MEIKIN: variants seen among roughly 807,000 people sequenced by gnomAD.
The protein encoded by MEIKIN is meiotic kinetochore factor, also known as meiosis-specific kinetochore protein.
intron 10 of MEIKIN, among the ~76,000 whole-genome samples, chr5:131,851,639 A>G (rs1178817249): frequency 6.6e-6 from 1 of 152,248 alleles, no homozygotes; most frequent in Non-Finnish European, 1.5e-5. Context: ...TTTTTTAATT[A>G]GGAATTTTTG....
At chr5:131,827,736 G>T (rs1054988178) in intron 11 of MEIKIN, among the ~76,000 whole-genome samples, 12 of 152,160 alleles carry the variant, frequency 7.9e-5, no homozygotes, top group African/African-American at 2.7e-4. Context: ...AAAATTTATA[G>T]ATCTATAGGA....
intron 11 of MEIKIN, among the ~76,000 whole-genome samples, chr5:131,836,085 C>T (rs1267072475): frequency 1.3e-5 from 2 of 152,076 alleles, no homozygotes; most frequent in African/African-American, 2.4e-5. Context: ...TGTGTTGTTC[C>T]CCTGTATATG....
chr5:131,853,266 T>C (rs997786202), intron 10 of MEIKIN, among the ~76,000 whole-genome samples: 8 of 152,224 alleles, frequency 5.3e-5, no homozygotes, highest in African/African-American at 1.7e-4. Flanking sequence ...TAATTACACA[T>C]GTCCTTTGTG....
chr5:131,852,316 T>C (rs957163422), intron 10 of MEIKIN, among the ~76,000 whole-genome samples: 1 of 152,164 alleles, frequency 6.6e-6, no homozygotes, highest in Admixed American at 6.5e-5. Flanking sequence ...CTCTCCTCTG[T>C]TGCCATGTAA....
intron 11 of MEIKIN, among the ~76,000 whole-genome samples, chr5:131,822,261 A>G (rs557010743): frequency 6.6e-6 from 1 of 151,796 alleles, no homozygotes; most frequent in South Asian, 2.1e-4. Flanking sequence ...ATGTTTTTTC[A>G]TTGGAGAGTT....
chr5:131,904,975 G>C (rs1024428643), intron 8 of MEIKIN, among the ~76,000 whole-genome samples: 2 of 152,088 alleles, frequency 1.3e-5, no homozygotes, highest in Non-Finnish European at 2.9e-5. Flanking sequence ...TCACACACCA[G>C]GGCCTGTCGG....
At chr5:131,887,988 C>T (rs956466016) in intron 8 of MEIKIN, among the ~76,000 whole-genome samples, 1 of 138,236 alleles carries the variant, frequency 7.2e-6, no homozygotes, top group Non-Finnish European at 1.5e-5. Flanking sequence ...TGATAGTTTG[C>T]TGAGAATGAT....
rs750413404 is a variant in MEIKIN at position 131,899,308 on chromosome 5, A to G, written c.703+12507T>C. Among the ~76,000 whole-genome samples, 74 of 152,322 alleles carry G rather than the reference A, an allele frequency of 4.9e-4. 1 individual carries two copies. The highest frequency in any genetic ancestry group is 3.3e-4 in the Admixed American group (5 of 15,298). ...ATAAGATAGTATTTACAAGCCTCAT[A>G]GTAACCTCAAATCAAAAAACATACA... On this transcript the variant is annotated intron_variant, in intron 8 of 12. Transcript: ENST00000442687.
At chr5:131,852,025 T>A (rs192528427) in intron 10 of MEIKIN, among the ~76,000 whole-genome samples, 43 of 152,314 alleles carry the variant, frequency 2.8e-4, no homozygotes, top group African/African-American at 1.0e-3. Flanking sequence ...TTATTCATAA[T>A]AGATAATAAA....
intron 11 of MEIKIN, among the ~76,000 whole-genome samples, chr5:131,839,650 G>C (rs1227671853): frequency 1.3e-5 from 2 of 151,946 alleles, no homozygotes; most frequent in African/African-American, 4.8e-5. Flanking sequence ...TATCTGTTTT[G>C]TCAGAAACTT....
intron 8 of MEIKIN, among the ~76,000 whole-genome samples, chr5:131,898,689 G>A (rs975648210): frequency 7.9e-5 from 12 of 152,346 alleles, no homozygotes; most frequent in Middle Eastern, 3.4e-3. Flanking sequence ...AGGATGCTGC[G>A]CTAGCAGTGA....
chr5:131,823,729 A>G lies in MEIKIN; in HGVS notation c.976-4866T>C, dbSNP rs140208120. 2.2e-4 allele frequency among the ~76,000 whole-genome samples: 34 copies of G among 152,202 alleles called. No individual in the cohort carries two copies. The East Asian group carries it at 6.2e-3, about 28-fold the overall frequency. Reference sequence around the variant, plus strand: ...ATCTGGTGGGGTCATGTTCTCCTGGATGATGCTGGTGCTTATAGATGTTCA... The same window carrying G: ...ATCTGGTGGGGTCATGTTCTCCTGGGTGATGCTGGTGCTTATAGATGTTCA... On this transcript the variant is annotated intron_variant, in intron 11 of 12. Coordinates refer to ENST00000442687, the MANE Select transcript of MEIKIN (RefSeq NM_001303622.2).
intron 1 of MEIKIN, 46 bp downstream of exon 1, chr5:131,945,354 G>A (rs1751945065): frequency 5.0e-6 from 2 of 398,928 alleles, no homozygotes; most frequent in East Asian, 7.1e-5. Flanking sequence ...TCCCGTCCCG[G>A]AGGCAGCTCG....
At position 131,890,585 on chromosome 5, in the gene MEIKIN, C is replaced by T. The variant is rs1177390590; in HGVS notation, c.704-11537G>A. Among the ~76,000 whole-genome samples, 5 of 152,116 alleles carry T rather than the reference C, an allele frequency of 3.3e-5. No individual in the cohort carries two copies. In the East Asian group the frequency reaches 9.6e-4, roughly 29 times the overall value. On this transcript the variant is annotated intron_variant, in intron 8 of 12. Coordinates refer to ENST00000442687, the MANE Select transcript of MEIKIN (RefSeq NM_001303622.2). ...ATATCTCCTTTGTCATTTTTTATTG[C>T]GTCTATTTGATTCTTCTCTCTTTTC...
intron 11 of MEIKIN, among the ~76,000 whole-genome samples, chr5:131,836,903 A>G (rs572439551): frequency 8.4e-4 from 128 of 152,116 alleles, no homozygotes; most frequent in African/African-American, 3.0e-3. Flanking sequence ...GTTTCATTAG[A>G]TCCCATTTGT....
At chr5:131,934,443 T>C (rs804059) in intron 4 of MEIKIN, among the ~76,000 whole-genome samples, 32,983 of 151,908 alleles carry the variant, frequency 0.22, 3,825 homozygotes, top group East Asian at 0.49. Context: ...TTTTGACCAA[T>C]ATGTAAAGGC....
chr5:131,944,821 T>C (rs1580606867), intron 2 of MEIKIN, 69 bp from the exon 3 acceptor site: 1 of 398,864 alleles, frequency 2.5e-6, no homozygotes, highest in African/African-American at 2.1e-5. Flanking sequence ...GTTCAGACTC[T>C]TTAGAATCTG....
intron 11 of MEIKIN, among the ~76,000 whole-genome samples, chr5:131,836,668 T>A (rs1014918197): frequency 1.4e-4 from 22 of 152,316 alleles, no homozygotes; most frequent in African/African-American, 4.3e-4. Context: ...GCTTTTTTTT[T>A]ATACACTTTT....
At chr5:131,887,881 C>T (rs1750830180) in intron 8 of MEIKIN, among the ~76,000 whole-genome samples, 1 of 127,692 alleles carries the variant, frequency 7.8e-6, no homozygotes, top group South Asian at 2.8e-4. Context: ...CACAACAGGC[C>T]CCAGTGTGTG....
Sources: allele counts gnomAD v4.1 joint callset (sites outside exome capture counted in the v4.1 genomes callset), GRCh38; gene constraint gnomAD v4.1.1; transcripts MANE v1.5; gene names NCBI Gene and HGNC (gene_info 2026-07-23, HGNC 2026-07-21).